The following TUSC3 variants were observed in gnomAD, a reference collection of about 807,000 sequenced individuals.
TUSC3 encodes the protein dolichyl-diphosphooligosaccharide--protein glycosyltransferase subunit TUSC3.
TUSC3 carries 45 observed loss-of-function variants against 44.8 expected under a neutral mutation model. The observed-to-expected ratio is 1.00, with a 90% confidence interval of 0.79 to 1.29. TUSC3 has a LOEUF of 1.29. Among genes scored for constraint, TUSC3 ranks in the 50% most tolerant of loss-of-function variants. The pLI is 0.00. For synonymous variants in TUSC3, 212 were observed against 152.9 expected, an observed-to-expected ratio of 1.39 and a Z score of -2.85; for missense variants, 519 against 437.9, an observed-to-expected ratio of 1.19 and a Z score of -1.65.
At chr8:15,706,058 CA>C (rs1333866705) in intron 6 of TUSC3, among the ~76,000 whole-genome samples, 1 of 151,938 alleles carries the variant, frequency 6.6e-6, no homozygotes, top group Non-Finnish European at 1.5e-5. Flanking sequence ...CTGACAAAAA[CA>C]GTTACCCTTT....
At chr8:15,445,940 C>G (rs1166661439) in intron 1 of TUSC3, among the ~76,000 whole-genome samples, 1 of 144,018 alleles carries the variant, frequency 6.9e-6, no homozygotes, top group African/African-American at 2.6e-5. Context: ...GGGCGGCTGG[C>G]CGGACGGGGG....
chr8:15,683,699 C>G (rs1013851731), intron 6 of TUSC3, among the ~76,000 whole-genome samples: 1 of 152,134 alleles, frequency 6.6e-6, no homozygotes, highest in African/African-American at 2.4e-5. Context: ...TTGGATATTA[C>G]AAAACACTGA....
chr8:15,425,324 C>T (rs759472451), intron 1 of TUSC3, among the ~76,000 whole-genome samples: 1 of 152,152 alleles, frequency 6.6e-6, no homozygotes, highest in African/African-American at 2.4e-5. Flanking sequence ...GATTCTTTTT[C>T]GCCCTTAAGA....
intron 2 of TUSC3, among the ~76,000 whole-genome samples, chr8:15,640,743 G>A (rs1179094711): frequency 6.6e-6 from 1 of 152,110 alleles, no homozygotes; most frequent in African/African-American, 2.4e-5. Context: ...TGGTCACTGT[G>A]TATAAATTCT....
intron 1 of TUSC3, among the ~76,000 whole-genome samples, chr8:15,445,634 G>C (rs1485165303): frequency 6.6e-6 from 1 of 152,196 alleles, no homozygotes; most frequent in East Asian, 1.9e-4. Context: ...TGGGTTGGGG[G>C]TAAGGTTATA....
At chr8:15,449,846 A>AT (rs1199501095) in intron 1 of TUSC3, among the ~76,000 whole-genome samples, 3 of 151,812 alleles carry the variant, frequency 2.0e-5, no homozygotes, top group Non-Finnish European at 1.5e-5. Flanking sequence ...CTTACACTTT[A>AT]TTTTTTTACT....
At chr8:15,828,143 C>A in the TUSC3 span, among the ~76,000 whole-genome samples, 2 of 151,978 alleles carry the variant, frequency 1.3e-5, no homozygotes, top group South Asian at 4.2e-4. Context: ...TACAGGCATG[C>A]ACCACCACAC....
chr8:15,496,572 C>A (rs1249631472), intron 2 of TUSC3, among the ~76,000 whole-genome samples: 1 of 152,116 alleles, frequency 6.6e-6, no homozygotes, highest in Non-Finnish European at 1.5e-5. Context: ...GATTTTTCTC[C>A]CTTACCAGGC....
At chr8:15,458,555 T>C (rs1800294874) in intron 1 of TUSC3, among the ~76,000 whole-genome samples, 1 of 152,162 alleles carries the variant, frequency 6.6e-6, no homozygotes, top group Non-Finnish European at 1.5e-5. Context: ...TATTTCATTA[T>C]TATAAAAAAC....
the TUSC3 span, among the ~76,000 whole-genome samples, chr8:15,840,882 G>T: frequency 6.6e-6 from 1 of 152,142 alleles, no homozygotes; most frequent in African/African-American, 2.4e-5. Flanking sequence ...AGTAAAGTCA[G>T]TAATTTAATG....
chr8:15,692,370 C>T (rs867814610), intron 6 of TUSC3, among the ~76,000 whole-genome samples: 33 of 39,204 alleles, frequency 8.4e-4, no homozygotes, highest in African/African-American at 1.6e-3. Context: ...CCCCCCCCCC[C>T]CTTTGTTTTT....
At chr8:15,825,867 C>T in the TUSC3 span, among the ~76,000 whole-genome samples, 28 of 144,136 alleles carry the variant, frequency 1.9e-4, no homozygotes, top group East Asian at 4.0e-3. Flanking sequence ...TGACCAATTA[C>T]GGAATCAACA....
chr8:15,718,454 T>G (rs1461515640), intron 6 of TUSC3, among the ~76,000 whole-genome samples: 1 of 152,108 alleles, frequency 6.6e-6, no homozygotes, highest in East Asian at 1.9e-4. Context: ...TTTAGAGTGT[T>G]AGGACATTCA....
chr8:15,526,223 C>T (rs1241247087), intron 2 of TUSC3, among the ~76,000 whole-genome samples: 1 of 151,962 alleles, frequency 6.6e-6, no homozygotes, highest in Non-Finnish European at 1.5e-5. Flanking sequence ...TTAGTAGAGA[C>T]GGGGTTTTAT....
the TUSC3 span, among the ~76,000 whole-genome samples, chr8:15,810,855 C>T: frequency 6.6e-6 from 1 of 152,068 alleles, no homozygotes; most frequent in Non-Finnish European, 1.5e-5. Flanking sequence ...ACGTAAAGAT[C>T]CGCAACATTT....
intron 1 of TUSC3, among the ~76,000 whole-genome samples, chr8:15,547,500 G>T (rs1032733561): frequency 6.6e-6 from 1 of 151,474 alleles, no homozygotes; most frequent in Non-Finnish European, 1.5e-5. Context: ...GAACTTGGTG[G>T]TCGATAATAA....
intron 6 of TUSC3, among the ~76,000 whole-genome samples, chr8:15,676,365 A>G (rs1219068932): frequency 6.6e-6 from 1 of 152,066 alleles, no homozygotes; most frequent in Non-Finnish European, 1.5e-5. Flanking sequence ...TAGATTCTGG[A>G]TATTAGACCT....
chr8:15,488,949 A>G (rs557213361), intron 2 of TUSC3, among the ~76,000 whole-genome samples: 2 of 152,284 alleles, frequency 1.3e-5, no homozygotes, highest in East Asian at 3.9e-4. Flanking sequence ...GCTGACTTTG[A>G]CCTTCCCCAG....
chr8:15,837,568 C>G, the TUSC3 span, among the ~76,000 whole-genome samples: 2 of 152,002 alleles, frequency 1.3e-5, no homozygotes. Context: ...TGTGTTGCTT[C>G]TAATTTGTCC....
Sources: gnomAD v4.1 joint callset for allele counts (sites outside exome capture counted in the v4.1 genomes callset) on GRCh38, gnomAD v4.1.1 for gene constraint, MANE v1.5 for transcripts, NCBI Gene and HGNC (gene_info 2026-07-23, HGNC 2026-07-21) for gene names.